Variants in CLIP2 observed in about 807,000 individuals in gnomAD.
CLIP2 encodes the protein CAP-Gly domain-containing linker protein 2.
A neutral mutation model predicts 111.7 loss-of-function variants in CLIP2; 41 were observed. The ratio of observed to expected loss-of-function variants is 0.37; its 90% CI spans 0.29 to 0.48. The LOEUF (loss-of-function observed/expected upper bound fraction) is 0.48, where lower values mean the gene tolerates loss of function less well. Among genes scored for constraint, CLIP2 ranks in the 20% least tolerant of loss-of-function variants. The probability of loss-of-function intolerance (pLI) is 0.99; values close to 1 mark genes in which losing one functional copy is unlikely to be tolerated. For synonymous variants in CLIP2, 660 were observed against 644.2 expected, an observed-to-expected ratio of 1.02 and a Z score of -0.37; for missense variants, 1,160 against 1,422.1, an observed-to-expected ratio of 0.82 and a Z score of 2.96.
At chr7:74,291,149 G>C (rs923745564) in intron 1 of CLIP2, among the ~76,000 whole-genome samples, 1 of 152,156 alleles carries the variant, frequency 6.6e-6, no homozygotes, top group Non-Finnish European at 1.5e-5. Flanking sequence ...AGTGCCTTGC[G>C]GGGGAATGAT....
intron 1 of CLIP2, among the ~76,000 whole-genome samples, chr7:74,297,855 C>T (rs560074624): frequency 2.6e-5 from 4 of 151,828 alleles, no homozygotes; most frequent in Non-Finnish European, 4.4e-5. Flanking sequence ...TTCTGTCACC[C>T]AGGCTGGAGT....
intron 6 of CLIP2, among the ~76,000 whole-genome samples, chr7:74,358,421 C>T (rs1038949959): frequency 1.3e-5 from 2 of 151,714 alleles, no homozygotes; most frequent in Non-Finnish European, 2.9e-5. Context: ...AGCCTGGTCT[C>T]GAACTCCTGG....
Position 74,400,546 on chromosome 7 carries a change from C to A in CLIP2, c.3057C>A (p.Asp1019Glu). The A allele has an allele frequency of 1.3e-6, 2 of 1,580,190 alleles. No homozygotes were observed. The highest frequency in any genetic ancestry group is 3.7e-5 in the Admixed American group (2 of 54,062). ...TGGAGGCCATGAGGAGCTGCCCTGA[C>A]AAGGCCCAGGTGAGCCGCGGCTGAC... ...KLMEAMRSCP[D>E]KAQTIGNSGS... is the part of the protein sequence containing the mutation. Residue 1019 changes from aspartate (D) to glutamate (E), a missense_variant, in exon 15 of 17, where the codon GAC becomes GAA. Around this residue, in one of 5 missense-constraint regions of CLIP2, gnomAD observed 676 missense variants for 777.8 expected, o/e 0.87. Coordinates refer to ENST00000223398, the MANE Select transcript of CLIP2 (RefSeq NM_003388.5).
At chr7:74,298,858 C>G (rs10256018) in intron 1 of CLIP2, among the ~76,000 whole-genome samples, 1 of 150,944 alleles carries the variant, frequency 6.6e-6, no homozygotes, top group African/African-American at 2.4e-5. Flanking sequence ...TTTTAAAAAA[C>G]GTTTAAGTAA....
chr7:74,384,971 G>T (rs1318670955), intron 11 of CLIP2, among the ~76,000 whole-genome samples: 1 of 151,384 alleles, frequency 6.6e-6, no homozygotes, highest in Non-Finnish European at 1.5e-5. Flanking sequence ...GTGAGACCTT[G>T]TCTCTTCAAA....
intron 13 of CLIP2, among the ~76,000 whole-genome samples, chr7:74,390,158 GAAAGAAGA>G (rs1378475556): frequency 9.5e-5 from 4 of 41,898 alleles, no homozygotes; most frequent in East Asian, 8.8e-4. Context: ...GAAAAAGAAA[GAAAGAAGA>G]AAGAAAGAAA....
intron 2 of CLIP2, among the ~76,000 whole-genome samples, chr7:74,328,442 G>A (rs1789180537): frequency 6.6e-6 from 1 of 152,184 alleles, no homozygotes; most frequent in South Asian, 2.1e-4. Context: ...GGGGTCCAGG[G>A]GATGAGAGGG....
In CLIP2 at chr7:74,386,548, A is replaced by T. The variant is rs782241087; in HGVS notation, c.2507A>T (p.Asp836Val). 6.8e-6 allele frequency: 11 copies of T among 1,611,566 alleles called. No individual in the cohort carries two copies. The highest frequency in any genetic ancestry group is 9.3e-6 in the Non-Finnish European group (11 of 1,178,928). ...EGLQDKLNKR[D>V]KEVTALTSQT... Reference sequence around the variant, plus strand: ...CTGCAGGACAAGCTGAACAAGAGGGACAAAGAGGTGACAGCCTTGACCTCC... The same window carrying T: ...CTGCAGGACAAGCTGAACAAGAGGGTCAAAGAGGTGACAGCCTTGACCTCC... The change falls in exon 12 of 17, where the codon GAC (aspartate) becomes GTC (valine). Residue 836 changes from aspartate to valine, a missense_variant. Coordinates refer to ENST00000223398, the MANE Select transcript of CLIP2 (RefSeq NM_003388.5).
chr7:74,402,354 A>G (rs1219747645), intron 16 of CLIP2, among the ~76,000 whole-genome samples: 1 of 151,214 alleles, frequency 6.6e-6, no homozygotes, highest in Non-Finnish European at 1.5e-5. Context: ...CCAAAAAAAA[A>G]AAAAAATACA....
At chr7:74,303,694 C>G (rs1788400366) in intron 1 of CLIP2, among the ~76,000 whole-genome samples, 1 of 150,928 alleles carries the variant, frequency 6.6e-6, no homozygotes, top group Non-Finnish European at 1.5e-5. Flanking sequence ...GGCGGATCAC[C>G]TGAGGTCAGG....
At chr7:74,302,713 C>G (rs1255247102) in intron 1 of CLIP2, among the ~76,000 whole-genome samples, 1 of 152,240 alleles carries the variant, frequency 6.6e-6, no homozygotes, top group Non-Finnish European at 1.5e-5. Context: ...CTGGTCCACA[C>G]TATCCACTGT....
At chr7:74,392,327 G>T (rs1388904057) in intron 13 of CLIP2, among the ~76,000 whole-genome samples, 1 of 150,864 alleles carries the variant, frequency 6.6e-6, no homozygotes, top group East Asian at 1.9e-4. Flanking sequence ...CTCCAGCCTG[G>T]GCGACAGAGT....
At chr7:74,329,843 G>A (rs1037063331) in intron 2 of CLIP2, among the ~76,000 whole-genome samples, 6 of 151,974 alleles carry the variant, frequency 3.9e-5, no homozygotes, top group Admixed American at 2.6e-4. Flanking sequence ...GCAATGGCAC[G>A]ATCTCAGCTC....
chr7:74,337,545 C>T (rs1057351719), intron 2 of CLIP2, among the ~76,000 whole-genome samples: 1 of 151,154 alleles, frequency 6.6e-6, no homozygotes, highest in African/African-American at 2.4e-5. Context: ...CGGGTTCCTC[C>T]CTGGCCCAGG....
At chr7:74,347,537 G>C (rs570670429) in intron 3 of CLIP2, among the ~76,000 whole-genome samples, 1 of 152,216 alleles carries the variant, frequency 6.6e-6, no homozygotes, top group South Asian at 2.1e-4. Flanking sequence ...CAAAGTGCTG[G>C]GATTACAGGC....
intron 4 of CLIP2, among the ~76,000 whole-genome samples, chr7:74,354,220 A>G (rs1790089091): frequency 1.3e-5 from 2 of 152,134 alleles, no homozygotes; most frequent in East Asian, 1.9e-4. Flanking sequence ...CCAGGAGGTC[A>G]TTGTTCAAGG....
chr7:74,403,083 G>T (rs1460964349), intron 16 of CLIP2, among the ~76,000 whole-genome samples: 1 of 151,792 alleles, frequency 6.6e-6, no homozygotes, highest in Non-Finnish European at 1.5e-5. Flanking sequence ...TCTGGGTGTG[G>T]TGGCACATGC....
At chr7:74,386,904 T>A (rs1554314911) in intron 12 of CLIP2, among the ~76,000 whole-genome samples, 1 of 150,828 alleles carries the variant, frequency 6.6e-6, no homozygotes, top group African/African-American at 2.4e-5. Context: ...GCACCTGTAA[T>A]CCCAGCTACT....
chr7:74,374,036 A>G (rs1190200047), intron 9 of CLIP2, among the ~76,000 whole-genome samples: 3 of 152,056 alleles, frequency 2.0e-5, no homozygotes, highest in Non-Finnish European at 2.9e-5. Flanking sequence ...CAGGCTTACC[A>G]TGCACGCCTG....
Sources: gnomAD v4.1 joint callset for allele counts (sites outside exome capture counted in the v4.1 genomes callset) on GRCh38, gnomAD v4.1.1 for gene constraint, gnomAD v4.1.1 regional missense constraint, MANE v1.5 for transcripts, NCBI Gene and HGNC (gene_info 2026-07-23, HGNC 2026-07-21) for gene names.